The following ACAP2 variants were observed in gnomAD, a reference collection of about 807,000 sequenced individuals.
ACAP2 encodes the protein ArfGAP with coiled-coil, ankyrin repeat and PH domains 2, also known as arf-GAP with coiled-coil, ANK repeat and PH domain-containing protein 2.
A neutral mutation model predicts 115.8 loss-of-function variants in ACAP2; 39 were observed. The ratio of observed to expected loss-of-function variants is 0.34; its 90% CI spans 0.26 to 0.44. ACAP2 has a LOEUF of 0.44. Among genes scored for constraint, ACAP2 ranks in the 20% least tolerant of loss-of-function variants. The pLI is 1.00. For missense variants in ACAP2, 662 were observed against 927.6 expected (o/e 0.71, Z 3.72); for synonymous variants, 289 against 315.8 (o/e 0.92, Z 0.90).
At chr3:195,310,968 T>A (rs1728724809) in intron 10 of ACAP2, among the ~76,000 whole-genome samples, 2 of 152,086 alleles carry the variant, frequency 1.3e-5, no homozygotes, top group African/African-American at 4.8e-5. Context: ...CCATTGCTAT[T>A]ATAAATTAAA....
chr3:195,321,596 T>C (rs1729458138), intron 9 of ACAP2, among the ~76,000 whole-genome samples: 1 of 145,538 alleles, frequency 6.9e-6, no homozygotes, highest in African/African-American at 2.6e-5. Context: ...AATATATTAC[T>C]ACCATGGTAG....
At chr3:195,398,289 ACTTAAT>A (rs1711972307) in intron 1 of ACAP2, among the ~76,000 whole-genome samples, 1 of 152,208 alleles carries the variant, frequency 6.6e-6, no homozygotes, top group African/African-American at 2.4e-5. Flanking sequence ...TTATATTTAC[ACTTAAT>A]CTTAGCCAAA....
intron 15 of ACAP2, among the ~76,000 whole-genome samples, chr3:195,301,070 T>C (rs1362309105): frequency 6.6e-6 from 1 of 151,598 alleles, no homozygotes; most frequent in African/African-American, 2.4e-5. Flanking sequence ...TATATAAATA[T>C]AGCCTTTTTT....
intron 4 of ACAP2, among the ~76,000 whole-genome samples, chr3:195,361,877 G>A (rs1462031114): frequency 2.6e-5 from 4 of 152,086 alleles, no homozygotes; most frequent in Non-Finnish European, 5.9e-5. Flanking sequence ...ATCATTACAG[G>A]CTACTATGAA....
intron 1 of ACAP2, chr3:195,410,775 T>G (rs1713193798): frequency 6.5e-6 from 1 of 154,546 alleles, no homozygotes; most frequent in Non-Finnish European, 1.4e-5. Context: ...TGTCACAGTA[T>G]GAAGAGGTGG....
chr3:195,292,994 G>T (rs1727371546), intron 18 of ACAP2, among the ~76,000 whole-genome samples: 2 of 141,672 alleles, frequency 1.4e-5, no homozygotes, highest in South Asian at 4.5e-4. Context: ...AAAAAATAAA[G>T]CTATGACATA....
chr3:195,389,501 A>G (rs1212004180), intron 2 of ACAP2, among the ~76,000 whole-genome samples: 3 of 152,186 alleles, frequency 2.0e-5, no homozygotes, highest in Non-Finnish European at 2.9e-5. Flanking sequence ...TTATGTATAT[A>G]TAAGTAATAA....
chr3:195,407,432 C>T (rs568556672), intron 1 of ACAP2, among the ~76,000 whole-genome samples: 1 of 152,166 alleles, frequency 6.6e-6, no homozygotes, highest in African/African-American at 2.4e-5. Flanking sequence ...AAGTCCTGGG[C>T]ACAGTGGCTC....
At chr3:195,298,437 G>A (rs1727801612) in intron 15 of ACAP2, among the ~76,000 whole-genome samples, 1 of 151,858 alleles carries the variant, frequency 6.6e-6, no homozygotes, top group African/African-American at 2.4e-5. Flanking sequence ...TGTATTTGTA[G>A]TAGAGACAGG....
intron 15 of ACAP2, among the ~76,000 whole-genome samples, chr3:195,299,945 T>C (rs1168663200): frequency 6.8e-6 from 1 of 147,512 alleles, no homozygotes; most frequent in Non-Finnish European, 1.5e-5. Flanking sequence ...AAAATATTCT[T>C]ATAAAAATGA....
chr3:195,424,325 C>T (rs1458967900), intron 1 of ACAP2, among the ~76,000 whole-genome samples: 1 of 117,646 alleles, frequency 8.5e-6, no homozygotes, highest in African/African-American at 3.4e-5. Flanking sequence ...AACAGAGTCT[C>T]GCTCTGTCAC....
chr3:195,389,667 C>T (rs1226362282), intron 2 of ACAP2, among the ~76,000 whole-genome samples: 2 of 151,828 alleles, frequency 1.3e-5, no homozygotes, highest in East Asian at 1.9e-4. Context: ...AATGTAATGC[C>T]TCAGGGTAAA....
At chr3:195,307,093 A>T (rs75301925) in intron 12 of ACAP2, 130 bp downstream of exon 12, 16,380 of 616,006 alleles carry the variant, frequency 0.027, 567 homozygotes, top group South Asian at 0.096. Flanking sequence ...ATTATTGAAA[A>T]TTATTTTTAA....
In ACAP2 at chr3:195,381,988, C is replaced by T. The variant is rs1733973910; in HGVS notation, c.146G>A (p.Gly49Glu). 6.2e-7 allele frequency: 1 copy of T among 1,610,116 alleles called. No individual in the cohort carries two copies. The highest frequency in any genetic ancestry group is 1.3e-5 in the African/African-American group (1 of 74,510). The change falls in exon 3 of 23, where the codon GGA becomes GAA. Residue 49 changes from glycine to glutamate, a missense_variant. Physicochemically the swap from Gly to Glu is moderately conservative, Grantham distance 98 (BLOSUM62 -2). This residue lies in a region of ACAP2 where 401 missense variants were observed against 604.4 expected (regional missense o/e 0.66). Transcript: ENST00000326793. ...TTTATTTGCAACACAAAAGGCTTTT[C>T]CAGTATCAATCATTGCAATACAAAG... Reference protein sequence around the residue: ...VKLCIAMIDTGKAFCVANKQF... With the variant: ...VKLCIAMIDTEKAFCVANKQF...
chr3:195,285,769 CA>C, intron 22 of ACAP2, 26 bp downstream of exon 22: 1 of 1,564,474 alleles, frequency 6.4e-7, no homozygotes, highest in Non-Finnish European at 8.8e-7. Context: ...TACTGCATTT[CA>C]GTATGGTTAT....
intron 10 of ACAP2, among the ~76,000 whole-genome samples, chr3:195,315,452 C>A (rs1729026729): frequency 6.6e-6 from 1 of 152,166 alleles, no homozygotes; most frequent in South Asian, 2.1e-4. Flanking sequence ...TCAGGAAGTT[C>A]TTTTAAAATG....
In ACAP2 at chr3:195,295,744, G is replaced by A. The variant is rs1330799292; in HGVS notation, c.1636C>T (p.Pro546Ser). 1.2e-6 allele frequency: 2 copies of A among 1,613,926 alleles called. No individual in the cohort carries two copies. Among genetic ancestry groups the A allele is most frequent in the Admixed American group, 3.3e-5 (2 of 59,996 alleles). The change falls in exon 17 of 23, where the codon CCA becomes TCA. Residue 546 changes from proline (P) to serine (S), a missense_variant. By Grantham distance (74) the Pro-to-Ser change is moderately conservative (BLOSUM62 -1). Transcript: ENST00000326793. ...EKRLSISKFG[P>S]GDQVRASAQS... The stretch of plus-strand genomic sequence containing the variant: ...GCAGATGCTCTGACTTGGTCCCCTG[G>A]CCCAAATTTAGAAATGCTCAGCCTC...
chr3:195,281,765 T>C (rs1043268118), intron 22 of ACAP2, among the ~76,000 whole-genome samples: 9 of 152,166 alleles, frequency 5.9e-5, no homozygotes, highest in Non-Finnish European at 1.2e-4. Flanking sequence ...TTCTAAAAGA[T>C]AGAAAATAAA....
intron 4 of ACAP2, among the ~76,000 whole-genome samples, chr3:195,370,438 C>G (rs1388853235): frequency 6.6e-6 from 1 of 152,086 alleles, no homozygotes; most frequent in Non-Finnish European, 1.5e-5. Flanking sequence ...AGGAAGGGGT[C>G]CAGTTTCAAT....
Sources: allele counts gnomAD v4.1 joint callset (sites outside exome capture counted in the v4.1 genomes callset), GRCh38; gene constraint gnomAD v4.1.1; regional missense constraint gnomAD v4.1.1; transcripts MANE v1.5; gene names NCBI Gene and HGNC (gene_info 2026-07-23, HGNC 2026-07-21).